APP: variants seen among roughly 807,000 people sequenced by gnomAD.
APP encodes the protein amyloid-beta precursor protein.
APP carries 31 observed loss-of-function variants against 101.4 expected under a neutral mutation model. The observed-to-expected ratio is 0.31, with a 90% CI of 0.23 to 0.41. The LOEUF (loss-of-function observed/expected upper bound fraction) is 0.41, where lower values mean the gene tolerates loss of function less well. APP is among the 10% of genes least tolerant of loss of function. The pLI is 1.00. For missense variants in APP, 839 were observed against 1,003.7 expected (o/e 0.84, Z 2.22); for synonymous variants, 366 against 364.4 (o/e 1.00, Z -0.05).
intron 8 of APP, among the ~76,000 whole-genome samples, chr21:25,984,602 G>A (rs889815428): frequency 1.3e-5 from 2 of 151,960 alleles, no homozygotes; most frequent in East Asian, 3.9e-4. Flanking sequence ...TAAATACCAC[G>A]TTCTTACTGA....
intron 1 of APP, among the ~76,000 whole-genome samples, chr21:26,155,059 T>C (rs1357413702): frequency 6.6e-6 from 1 of 152,198 alleles, no homozygotes; most frequent in Non-Finnish European, 1.5e-5. Flanking sequence ...AAGACCAGCC[T>C]GGCCAACATG....
At chr21:26,058,622 G>C (rs2046136436) in intron 3 of APP, among the ~76,000 whole-genome samples, 1 of 152,196 alleles carries the variant, frequency 6.6e-6, no homozygotes, top group Non-Finnish European at 1.5e-5. Flanking sequence ...GGAAGAATGA[G>C]AAGGGAAAGA....
chr21:25,971,529 G>A (rs2042032850), intron 11 of APP, among the ~76,000 whole-genome samples: 2 of 152,236 alleles, frequency 1.3e-5, no homozygotes, highest in Non-Finnish European at 2.9e-5. Flanking sequence ...AGTGTGTGGA[G>A]AGATCAAGGT....
chr21:25,970,083 TCAA>T (rs769279888), intron 11 of APP, among the ~76,000 whole-genome samples: 5 of 152,116 alleles, frequency 3.3e-5, no homozygotes, highest in Non-Finnish European at 4.4e-5. Flanking sequence ...CTTAGATCAA[TCAA>T]CAACAGTGAT....
At chr21:26,013,826 G>T (rs1164682226) in intron 6 of APP, among the ~76,000 whole-genome samples, 12 of 151,988 alleles carry the variant, frequency 7.9e-5, no homozygotes, top group Admixed American at 7.9e-4. Flanking sequence ...TTTCTAGATT[G>T]AGACCATTAA....
Position 25,897,672 on chromosome 21 carries a change from A to T in APP, c.1965T>A (p.Gly655=). 6.2e-7 allele frequency: 1 copy of T among 1,608,218 alleles called. No homozygotes were observed. The highest frequency in any genetic ancestry group is 1.3e-5 in the African/African-American group (1 of 74,898). Residue 655 remains glycine, a splice_region_variant and synonymous_variant, in exon 16 of 18, where the codon GGT becomes GGA. Coordinates refer to ENST00000346798, the MANE Select transcript of APP (RefSeq NM_000484.4). The stretch of plus-strand genomic sequence containing the variant: ...CCGTCTTGATATTTGTCAACCCAGA[A>T]CCTGTATTACATCATAATTAAAGTA... The part of the protein sequence containing the change: ...AADRGLTTRP[G]SGLTNIKTEE...
At chr21:26,021,477 A>G (rs1279490820) in intron 6 of APP, among the ~76,000 whole-genome samples, 1 of 152,174 alleles carries the variant, frequency 6.6e-6, no homozygotes, top group African/African-American at 2.4e-5. Context: ...CTCATCGTCT[A>G]GGTGGTAACA....
At chr21:26,030,232 G>A (rs2030344634) in intron 5 of APP, among the ~76,000 whole-genome samples, 1 of 152,194 alleles carries the variant, frequency 6.6e-6, no homozygotes, top group South Asian at 2.1e-4. Context: ...TATAAAAAGT[G>A]CTATTCTGAA....
At chr21:25,995,637 G>T (rs777831155) in intron 8 of APP, among the ~76,000 whole-genome samples, 2 of 152,130 alleles carry the variant, frequency 1.3e-5, no homozygotes, top group African/African-American at 2.4e-5. Context: ...CTCAACATGC[G>T]TACCTATGTC....
rs990059776 is a variant in APP, at chr21:25,973,274, C to A, written c.1458+1796G>T. On this transcript the variant is annotated intron_variant, in intron 11 of 17. Coordinates refer to ENST00000346798, the MANE Select transcript of APP (RefSeq NM_000484.4). ...CATATCCATAACCTCATTCAGTGTA[C>A]ATGGTCTTCCCAATCCAAAGGAAAA... is the stretch of plus-strand genomic sequence containing the variant. Among the ~76,000 whole-genome samples, 5 of 152,120 alleles carry A rather than the reference C, an allele frequency of 3.3e-5. No homozygotes were observed. In the South Asian group the frequency reaches 6.2e-4, roughly 19 times the overall value.
intron 2 of APP, among the ~76,000 whole-genome samples, chr21:26,101,247 C>T (rs975156315): frequency 1.3e-5 from 2 of 151,734 alleles, no homozygotes; most frequent in Non-Finnish European, 2.9e-5. Flanking sequence ...TACAGGCGTG[C>T]GCCACCATGC....
intron 1 of APP, among the ~76,000 whole-genome samples, chr21:26,130,916 C>T (rs1461726991): frequency 6.6e-6 from 1 of 152,158 alleles, no homozygotes; most frequent in Non-Finnish European, 1.5e-5. Context: ...TTAGACTATG[C>T]CTATTACTGG....
At chr21:25,887,842 T>C (rs941809637) in intron 17 of APP, among the ~76,000 whole-genome samples, 9 of 152,206 alleles carry the variant, frequency 5.9e-5, no homozygotes, top group Non-Finnish European at 1.3e-4. Flanking sequence ...TTTATGTACA[T>C]GTACTTTATG....
intron 11 of APP, among the ~76,000 whole-genome samples, chr21:25,971,816 G>C (rs1271044767): frequency 1.3e-5 from 2 of 152,130 alleles, no homozygotes; most frequent in Non-Finnish European, 2.9e-5. Context: ...CACTAGTAAG[G>C]AATAACTAGT....
At chr21:26,059,922 AAG>A (rs1568924675) in intron 3 of APP, among the ~76,000 whole-genome samples, 82 of 133,678 alleles carry the variant, frequency 6.1e-4, no homozygotes, top group Non-Finnish European at 9.3e-4. Context: ...AAAAAAAAAA[AAG>A]AGAGGGTGAG....
chr21:25,924,425 A>AAG (rs1442955861), intron 13 of APP, among the ~76,000 whole-genome samples: 5 of 107,342 alleles, frequency 4.7e-5, no homozygotes, highest in Non-Finnish European at 9.3e-5. Flanking sequence ...AAAAAAAAAA[A>AAG]AAGGAAAAAA....
chr21:26,043,395 G>T (rs951876344), intron 5 of APP, among the ~76,000 whole-genome samples: 1 of 152,060 alleles, frequency 6.6e-6, no homozygotes, highest in Non-Finnish European at 1.5e-5. Flanking sequence ...ACCATGCCTG[G>T]CTATTTTGTA....
intron 3 of APP, among the ~76,000 whole-genome samples, chr21:26,083,846 T>C (rs2061645533): frequency 6.6e-6 from 1 of 152,210 alleles, no homozygotes; most frequent in Non-Finnish European, 1.5e-5. Flanking sequence ...AATGCCTCGT[T>C]ACTTAATGAC....
At chr21:26,028,558 C>T (rs8128054) in intron 5 of APP, among the ~76,000 whole-genome samples, 3,693 of 152,056 alleles carry the variant, frequency 0.024, 141 homozygotes, top group African/African-American at 0.081. Flanking sequence ...TGCAGAGACA[C>T]GGGGATTCAG....
Sources: allele counts gnomAD v4.1 joint callset (sites outside exome capture counted in the v4.1 genomes callset), GRCh38; gene constraint gnomAD v4.1.1; transcripts MANE v1.5; gene names NCBI Gene and HGNC (gene_info 2026-07-23, HGNC 2026-07-21).